PREX2: variants seen among roughly 807,000 people sequenced by gnomAD.
PREX2 encodes the protein phosphatidylinositol 3,4,5-trisphosphate-dependent Rac exchanger 2 protein.
A neutral mutation model predicts 203.2 loss-of-function variants in PREX2; 107 were observed. The ratio of observed to expected loss-of-function variants is 0.53; its 90% CI spans 0.45 to 0.62. The LOEUF is 0.62. Ranked by LOEUF, PREX2 falls within the 20% of genes least tolerant of loss-of-function variation. The pLI is 0.00. For missense variants in PREX2, 1,777 were observed against 1,955.9 expected, an observed-to-expected ratio of 0.91 and a Z score of 1.72; for synonymous variants, 672 against 663.6, an observed-to-expected ratio of 1.01 and a Z score of -0.19.
intron 19 of PREX2, 104 bp downstream of exon 19, chr8:68,087,913 C>T (rs1263188814): frequency 2.0e-5 from 16 of 813,902 alleles, no homozygotes; most frequent in Non-Finnish European, 3.3e-5. Flanking sequence ...TGTGATGATT[C>T]TCAATTATAT....
At chr8:68,108,035 G>T (rs1293466900) in intron 23 of PREX2, 74 bp from the exon 24 acceptor site, 1 of 891,880 alleles carries the variant, frequency 1.1e-6, no homozygotes, top group African/African-American at 1.7e-5. Context: ...TGTTGTGAAT[G>T]ATGCAAGTGA....
rs58916146 is a variant in PREX2, at chr8:67,999,478, C to CAAAAAAAAAAAAAAAAAAAAAAAAAAAA, written c.142-18351_142-18350insAAAAAAAAAAAAAAAAAAAAAAAAAAAA. On this transcript the variant is annotated intron_variant, in intron 1 of 39. Transcript: ENST00000288368. The stretch of plus-strand genomic sequence containing the variant: ...AATCAGTAATAAATAGCCAACAAAC[C>CAAAAAAAAAAAAAAAAAAAAAAAAAAAA]AAAAAAAAAAAAAAAAAGCCCAGAA... 2.2e-5 allele frequency among the ~76,000 whole-genome samples: 2 copies of CAAAAAAAAAAAAAAAAAAAAAAAAAAAA among 92,092 alleles called. 1 individual carries two copies. Among genetic ancestry groups the CAAAAAAAAAAAAAAAAAAAAAAAAAAAA allele is most frequent in the Non-Finnish European group, 4.3e-5 (2 of 46,528 alleles). The allele number at this position is 92,092 out of a possible 152,430, so 60.4% of individuals were successfully genotyped here.
chr8:68,213,396 G>A (rs1216027922), intron 37 of PREX2, among the ~76,000 whole-genome samples: 3 of 152,148 alleles, frequency 2.0e-5, no homozygotes, highest in Non-Finnish European at 2.9e-5. Flanking sequence ...TACAAGTAAG[G>A]GGCCTTGAAA....
intron 14 of PREX2, among the ~76,000 whole-genome samples, chr8:68,072,974 T>A (rs1188746790): frequency 6.6e-6 from 1 of 152,072 alleles, no homozygotes; most frequent in Non-Finnish European, 1.5e-5. Flanking sequence ...AATAATTGTG[T>A]TTTGATAATG....
chr8:68,234,282 C>T lies in PREX2; in HGVS notation c.*2904C>T, dbSNP rs1219585044. 6.6e-6 allele frequency: 1 copy of T among 152,082 alleles called. No homozygotes were observed. The highest frequency in any genetic ancestry group is 1.9e-4 in the East Asian group (1 of 5,188). The allele number at this position is 152,082 out of a possible 1,614,324, so 9.4% of individuals were successfully genotyped here. On this transcript the variant is annotated 3_prime_UTR_variant, in exon 40 of 40. Transcript: ENST00000288368. ...GATGTGTTTACCTTAATGCTACATG[C>T]TCCTCTATAACCAGTGCACCTTCAA...
intron 25 of PREX2, among the ~76,000 whole-genome samples, chr8:68,113,464 G>T (rs1810576082): frequency 1.3e-5 from 2 of 152,152 alleles, no homozygotes; most frequent in South Asian, 4.1e-4. Context: ...AATCTTTTGG[G>T]TGGAGAGGGT....
In PREX2 at chr8:68,087,754, A is replaced by T. The variant is rs1563538125; in HGVS notation, c.2058A>T (p.Gly686=). 1.2e-6 allele frequency: 2 copies of T among 1,613,852 alleles called. No individual in the cohort carries two copies. The highest frequency in any genetic ancestry group is 1.7e-6 in the Non-Finnish European group (2 of 1,179,758). The part of the protein sequence containing the change: ...ETVKIPDSAD[G]LGFQIRGFGP... ...TGAAAATTCCAGATTCAGCTGATGG[A>T]CTTGGCTTCCAGATCCGGGGATTTG... Residue 686 remains glycine, a synonymous_variant, in exon 19 of 40, where the codon GGA becomes GGT. Coordinates refer to ENST00000288368, the MANE Select transcript of PREX2 (RefSeq NM_024870.4).
In PREX2 at chr8:68,157,415, A is replaced by T. The variant is rs749994460; in HGVS notation, c.4325A>T (p.Lys1442Ile). The T allele has an allele frequency of 1.4e-5, 23 of 1,607,476 alleles. No individual in the cohort carries two copies. Among genetic ancestry groups the T allele is most frequent in the Non-Finnish European group, 2.0e-5 (23 of 1,174,364 alleles). The change falls in exon 35 of 40, where the codon AAA (lysine) becomes ATA (isoleucine). Residue 1442 changes from lysine to isoleucine, a missense_variant. Coordinates refer to ENST00000288368, the MANE Select transcript of PREX2 (RefSeq NM_024870.4). Reference protein sequence around the residue: ...QINAASLEKVKQYNQKLRAFY... With the variant: ...QINAASLEKVIQYNQKLRAFY... ...AATGCAGCCTCACTGGAAAAGGTCA[A>T]ACAGTACAACCAGAAGCTCAGGTAT...
chr8:67,954,033 G>A (rs1377852425), intron 1 of PREX2, among the ~76,000 whole-genome samples: 1 of 152,162 alleles, frequency 6.6e-6, no homozygotes, highest in Non-Finnish European at 1.5e-5. Flanking sequence ...TGCAGAGACA[G>A]TTAATCTAAT....
intron 15 of PREX2, among the ~76,000 whole-genome samples, chr8:68,078,662 C>T (rs909205397): frequency 1.3e-5 from 2 of 152,120 alleles, no homozygotes; most frequent in African/African-American, 4.8e-5. Flanking sequence ...CCAGATCACT[C>T]TGTGAGTTGT....
chr8:68,061,148 G>A (rs1808838491), intron 11 of PREX2, among the ~76,000 whole-genome samples: 1 of 152,178 alleles, frequency 6.6e-6, no homozygotes, highest in East Asian at 1.9e-4. Context: ...GGACCGCAGG[G>A]CAGAAGGGCA....
chr8:67,961,984 A>G (rs58701937), intron 1 of PREX2, among the ~76,000 whole-genome samples: 43,635 of 152,064 alleles, frequency 0.29, 6,572 homozygotes, highest in East Asian at 0.54. Context: ...TTAAATTTAG[A>G]ATACTGATAT....
At chr8:68,110,139 C>G (rs1290772257) in intron 25 of PREX2, among the ~76,000 whole-genome samples, 1 of 152,076 alleles carries the variant, frequency 6.6e-6, no homozygotes, top group Non-Finnish European at 1.5e-5. Flanking sequence ...ACCCAAATAC[C>G]TGTGCCAGTA....
At chr8:68,164,062 T>C (rs1811705979) in intron 35 of PREX2, among the ~76,000 whole-genome samples, 1 of 152,116 alleles carries the variant, frequency 6.6e-6, no homozygotes, top group Admixed American at 6.5e-5. Flanking sequence ...CTCTAGACTT[T>C]ACAGGAAGAC....
chr8:68,099,433 G>C (rs1179610352), intron 22 of PREX2, among the ~76,000 whole-genome samples: 1 of 152,146 alleles, frequency 6.6e-6, no homozygotes, highest in Admixed American at 6.6e-5. Context: ...ATAGTTAGCA[G>C]AAGGAAAACC....
chr8:68,002,946 A>G (rs1806985403), intron 1 of PREX2, among the ~76,000 whole-genome samples: 1 of 152,136 alleles, frequency 6.6e-6, no homozygotes, highest in Non-Finnish European at 1.5e-5. Context: ...AGGAACTCAT[A>G]TTTCAATATT....
intron 35 of PREX2, among the ~76,000 whole-genome samples, chr8:68,177,828 C>A (rs1190384269): frequency 4.6e-5 from 7 of 152,092 alleles, no homozygotes; most frequent in Admixed American, 2.0e-4. Context: ...TTGTTCCCCC[C>A]ACCCCCTTGC....
chr8:68,013,343 A>T (rs1157562435), intron 1 of PREX2, among the ~76,000 whole-genome samples: 1 of 152,148 alleles, frequency 6.6e-6, no homozygotes, highest in South Asian at 2.1e-4. Context: ...TGCCAGTGAC[A>T]ATCAACTTTT....
chr8:68,095,513 A>ATACT (rs1810033223), intron 21 of PREX2, among the ~76,000 whole-genome samples: 1 of 144,046 alleles, frequency 6.9e-6, no homozygotes, highest in African/African-American at 2.6e-5. Flanking sequence ...ACATACATAC[A>ATACT]TACATACATA....
Sources: allele counts gnomAD v4.1 joint callset (sites outside exome capture counted in the v4.1 genomes callset), GRCh38; gene constraint gnomAD v4.1.1; transcripts MANE v1.5; gene names NCBI Gene and HGNC (gene_info 2026-07-23, HGNC 2026-07-21).